Variants in SPIN1 observed in about 807,000 individuals in gnomAD.
SPIN1 encodes the protein spindlin-1.
Under a neutral mutation model 26.0 loss-of-function variants are expected in SPIN1, and 3 were observed. That is an observed-to-expected ratio of 0.12 (90% CI 0.05 to 0.30). SPIN1 has a LOEUF of 0.30. Among genes scored for constraint, SPIN1 ranks in the 10% least tolerant of loss-of-function variants. The pLI is 1.00. For synonymous variants in SPIN1, 101 were observed against 116.5 expected (o/e 0.87, Z 0.86); for missense variants, 126 against 333.4 (o/e 0.38, Z 4.84).
intron 5 of SPIN1, among the ~76,000 whole-genome samples, chr9:88,474,206 G>A (rs1433843162): frequency 6.6e-6 from 1 of 152,202 alleles, no homozygotes; most frequent in African/African-American, 2.4e-5. Context: ...CTGCTACTAC[G>A]AGGAAAAGAG....
intron 2 of SPIN1, among the ~76,000 whole-genome samples, chr9:88,432,130 A>G (rs992378800): frequency 4.6e-5 from 7 of 150,662 alleles, no homozygotes; most frequent in Non-Finnish European, 8.9e-5. Context: ...TGCTACTTGG[A>G]TGTTTGGCCT....
chr9:88,422,910 A>C (rs902623033), intron 1 of SPIN1, among the ~76,000 whole-genome samples: 1 of 151,972 alleles, frequency 6.6e-6, no homozygotes, highest in Non-Finnish European at 1.5e-5. Context: ...GAGTTTCACT[A>C]TGTTGGCCAG....
At chr9:88,405,536 CTTTTTTTTTT>C (rs757565862) in intron 1 of SPIN1, among the ~76,000 whole-genome samples, 1 of 110,740 alleles carries the variant, frequency 9.0e-6, no homozygotes, top group Non-Finnish European at 1.7e-5. Flanking sequence ...CTGTACTATC[CTTTTTTTTTT>C]TTTTTTTTTT....
intron 1 of SPIN1, among the ~76,000 whole-genome samples, chr9:88,417,714 C>A (rs1483212505): frequency 6.6e-6 from 1 of 152,100 alleles, no homozygotes; most frequent in Non-Finnish European, 1.5e-5. Flanking sequence ...CTCAAGTGAT[C>A]CGCTGGCTTT....
chr9:88,459,293 T>C (rs908564566), intron 3 of SPIN1, among the ~76,000 whole-genome samples: 2 of 152,216 alleles, frequency 1.3e-5, no homozygotes, highest in Non-Finnish European at 2.9e-5. Flanking sequence ...AGGATTCTTG[T>C]ATTCTAAAGT....
intron 1 of SPIN1, among the ~76,000 whole-genome samples, chr9:88,410,048 G>GC (rs1297066722): frequency 1.3e-5 from 2 of 151,954 alleles, no homozygotes; most frequent in African/African-American, 4.8e-5. Flanking sequence ...TTAACACTTG[G>GC]CAATTGCTCT....
chr9:88,389,300 G>A (rs955959972), intron 1 of SPIN1: 2 of 152,236 alleles, frequency 1.3e-5, no homozygotes, highest in East Asian at 1.9e-4. Context: ...GGGTGTATTC[G>A]TCAAGGAATG....
At chr9:88,474,996 ATG>A (rs1191758682) in intron 5 of SPIN1, 80 bp from the exon 6 acceptor site, 8 of 1,300,122 alleles carry the variant, frequency 6.2e-6, no homozygotes, top group African/African-American at 4.5e-5. Flanking sequence ...GAAAATAAAT[ATG>A]TGAGTTGATT....
chr9:88,448,924 A>C lies in SPIN1; in HGVS notation c.53-17A>C, dbSNP rs772674877. 3.7e-6 allele frequency: 6 copies of C among 1,612,300 alleles called. No homozygotes were observed. The African/African-American group carries it at 8.0e-5, about 22-fold the overall frequency. On this transcript the variant is annotated splice_polypyrimidine_tract_variant and intron_variant, in intron 2 of 5. Transcript: ENST00000375859. ...TTTATCTGGTTTTCATTGACTATAT[A>C]CTCATCTCTCTTACAGGCCATGCTG... is the stretch of plus-strand genomic sequence containing the variant.
rs766535979 is a variant in SPIN1, at chr9:88,468,508, A to G, written c.492A>G (p.Thr164=). Residue 164 remains threonine, a synonymous_variant, in exon 5 of 6, where the codon ACA becomes ACG. Coordinates refer to ENST00000375859, the MANE Select transcript of SPIN1 (RefSeq NM_006717.3). Reference sequence around the variant, plus strand: ...TAGCACGTGCACCTGTCATGAACACATGGTTTTACATTACCTATGAGAAAG... The same window carrying G: ...TAGCACGTGCACCTGTCATGAACACGTGGTTTTACATTACCTATGAGAAAG... ...MVLARAPVMN[T]WFYITYEKDP... 15 of 1,613,370 alleles carry G rather than the reference A, an allele frequency of 9.3e-6. No homozygotes were observed. Among genetic ancestry groups the G allele is most frequent in the African/African-American group, 1.3e-5 (1 of 74,896 alleles).
intron 1 of SPIN1, among the ~76,000 whole-genome samples, chr9:88,400,065 A>G (rs570885996): frequency 6.6e-6 from 1 of 152,200 alleles, no homozygotes; most frequent in East Asian, 1.9e-4. Flanking sequence ...CCCTTCCCAG[A>G]GGAACTTAAT....
At chr9:88,443,918 T>C (rs1337286428) in intron 2 of SPIN1, among the ~76,000 whole-genome samples, 1 of 140,634 alleles carries the variant, frequency 7.1e-6, no homozygotes, top group East Asian at 1.9e-4. Flanking sequence ...CCCTGGAGTT[T>C]TTGTCAGACC....
chr9:88,474,897 A>G (rs1828858889), intron 5 of SPIN1, among the ~76,000 whole-genome samples, 181 bp from the exon 6 acceptor site: 1 of 152,106 alleles, frequency 6.6e-6, no homozygotes, highest in South Asian at 2.1e-4. Flanking sequence ...AGCCTGAAAT[A>G]TTTACTGTCT....
intron 1 of SPIN1, among the ~76,000 whole-genome samples, chr9:88,406,034 TGTGTGTGTAC>T (rs1200891356): frequency 6.7e-6 from 1 of 148,526 alleles, no homozygotes; most frequent in Admixed American, 6.7e-5. Flanking sequence ...TGTGTGTGTG[TGTGTGTGTAC>T]GTGTACGTGT....
chr9:88,433,495 T>C (rs1481013403), intron 2 of SPIN1, among the ~76,000 whole-genome samples: 1 of 152,164 alleles, frequency 6.6e-6, no homozygotes, highest in Non-Finnish European at 1.5e-5. Flanking sequence ...AGTCTCTTGA[T>C]CCTAGCATGA....
chr9:88,428,234 G>C (rs1041519127), intron 2 of SPIN1, among the ~76,000 whole-genome samples: 1 of 152,136 alleles, frequency 6.6e-6, no homozygotes, highest in South Asian at 2.1e-4. Context: ...TGTTACAAGG[G>C]TATATTGTAT....
chr9:88,460,515 G>A (rs917736840), intron 3 of SPIN1, among the ~76,000 whole-genome samples: 9 of 152,150 alleles, frequency 5.9e-5, no homozygotes, highest in African/African-American at 1.9e-4. Flanking sequence ...GAGGAAATTG[G>A]TTTATGCTAT....
intron 3 of SPIN1, among the ~76,000 whole-genome samples, chr9:88,449,495 T>C (rs1032562193): frequency 3.3e-5 from 5 of 152,168 alleles, no homozygotes; most frequent in African/African-American, 1.2e-4. Context: ...TGTTAAAAGA[T>C]AATGCAATAG....
rs1828885446 is a variant in SPIN1, at chr9:88,476,117, T to C, written c.*840T>C. The C allele has an allele frequency of 6.6e-6, 1 of 152,150 alleles. No homozygotes were observed. 9.4% of individuals were successfully genotyped at this position (152,150 alleles called of 1,614,324 possible). ...GTTACATTTTAATCATAAATTCTTT[T>C]TTGCAAAGCCCAGGTTCTTGTTCCA... On this transcript the variant is annotated 3_prime_UTR_variant, in exon 6 of 6. Transcript: ENST00000375859.
Sources: allele counts gnomAD v4.1 joint callset (sites outside exome capture counted in the v4.1 genomes callset), GRCh38; gene constraint gnomAD v4.1.1; transcripts MANE v1.5; gene names NCBI Gene and HGNC (gene_info 2026-07-23, HGNC 2026-07-21).